LRRC4C: variants seen among roughly 807,000 people sequenced by gnomAD.
LRRC4C encodes the protein leucine-rich repeat-containing protein 4C.
LRRC4C carries 5 observed loss-of-function variants against 33.6 expected under a neutral mutation model. The observed-to-expected ratio is 0.15, with a 90% confidence interval of 0.08 to 0.31. The LOEUF (loss-of-function observed/expected upper bound fraction) is 0.31. LRRC4C is among the 10% of genes least tolerant of loss of function. LRRC4C has a pLI of 1.00. For synonymous variants in LRRC4C, 329 were observed against 302.0 expected (o/e 1.09, Z -0.93); for missense variants, 560 against 796.7 (o/e 0.70, Z 3.58).
At chr11:40,444,639 A>G (rs1025723755) in intron 3 of LRRC4C, among the ~76,000 whole-genome samples, 1 of 152,146 alleles carries the variant, frequency 6.6e-6, no homozygotes. Flanking sequence ...CTTTATTCTC[A>G]GTGATCAATA....
intron 3 of LRRC4C, among the ~76,000 whole-genome samples, chr11:40,595,352 C>T (rs1026828047): frequency 1.3e-5 from 2 of 151,934 alleles, no homozygotes; most frequent in Non-Finnish European, 2.9e-5. Flanking sequence ...CTGAACAGTT[C>T]AATAGAGATT....
chr11:40,417,629 A>C (rs898611759), intron 3 of LRRC4C, among the ~76,000 whole-genome samples: 2 of 151,986 alleles, frequency 1.3e-5, no homozygotes, highest in Non-Finnish European at 2.9e-5. Context: ...TGGGATTACA[A>C]GCATGAGCCA....
chr11:41,072,740 T>C (rs1938800676), intron 1 of LRRC4C, among the ~76,000 whole-genome samples: 1 of 152,174 alleles, frequency 6.6e-6, no homozygotes, highest in Admixed American at 6.5e-5. Context: ...AGACTGATTA[T>C]GCAATTCTTC....
At chr11:40,426,079 T>C (rs1282551063) in intron 3 of LRRC4C, among the ~76,000 whole-genome samples, 1 of 151,002 alleles carries the variant, frequency 6.6e-6, no homozygotes, top group Admixed American at 6.6e-5. Context: ...AGTGGCGCGA[T>C]CTTGGCTCAC....
At chr11:40,909,212 T>C (rs967686200) in intron 2 of LRRC4C, among the ~76,000 whole-genome samples, 6 of 152,092 alleles carry the variant, frequency 3.9e-5, no homozygotes, top group Non-Finnish European at 7.4e-5. Context: ...CTATTTATCA[T>C]CTCCTTTTAA....
chr11:40,190,773 G>C (rs1861773194), intron 5 of LRRC4C, among the ~76,000 whole-genome samples: 1 of 152,128 alleles, frequency 6.6e-6, no homozygotes, highest in African/African-American at 2.4e-5. Flanking sequence ...CATGTGTCTA[G>C]CCTGAGTCAG....
At chr11:41,068,434 C>T (rs1049423755) in intron 1 of LRRC4C, among the ~76,000 whole-genome samples, 4 of 151,836 alleles carry the variant, frequency 2.6e-5, no homozygotes, top group African/African-American at 7.3e-5. Flanking sequence ...TAAATGAATC[C>T]AGGAGCTGTT....
chr11:41,239,505 T>C (rs896551246), intron 1 of LRRC4C, among the ~76,000 whole-genome samples: 1 of 152,040 alleles, frequency 6.6e-6, no homozygotes, highest in Non-Finnish European at 1.5e-5. Context: ...ACTCAGGGCC[T>C]TTGAACTGGC....
intron 2 of LRRC4C, among the ~76,000 whole-genome samples, chr11:40,697,166 T>G (rs1945607315): frequency 6.6e-6 from 1 of 152,122 alleles, no homozygotes; most frequent in Admixed American, 6.5e-5. Context: ...CATATATACA[T>G]TTTTGTTCAT....
At chr11:40,754,449 G>T (rs752707931) in intron 2 of LRRC4C, among the ~76,000 whole-genome samples, 4 of 152,060 alleles carry the variant, frequency 2.6e-5, no homozygotes, top group Non-Finnish European at 5.9e-5. Flanking sequence ...AACTATTTAG[G>T]CCCCTAAGCT....
intron 3 of LRRC4C, among the ~76,000 whole-genome samples, chr11:40,326,548 A>G (rs568525162): frequency 7.7e-5 from 3 of 38,908 alleles, no homozygotes; most frequent in African/African-American, 1.4e-4. Context: ...ACTCCTTCTC[A>G]AAAGAAAAAA....
chr11:40,181,858 C>T (rs1040500323), intron 5 of LRRC4C, among the ~76,000 whole-genome samples: 7 of 152,166 alleles, frequency 4.6e-5, no homozygotes, highest in Non-Finnish European at 8.8e-5. Flanking sequence ...GCACAGCTTA[C>T]CCCGGGACTC....
At chr11:41,080,512 C>T (rs779854273) in intron 1 of LRRC4C, among the ~76,000 whole-genome samples, 4 of 151,794 alleles carry the variant, frequency 2.6e-5, no homozygotes, top group South Asian at 2.1e-4. Context: ...CCACTATGCC[C>T]GGCAAATTTT....
intron 2 of LRRC4C, among the ~76,000 whole-genome samples, chr11:40,661,188 C>A (rs1288488803): frequency 2.0e-5 from 3 of 151,738 alleles, no homozygotes; most frequent in African/African-American, 7.2e-5. Context: ...ATATTGATTG[C>A]AAAAAGGAGA....
intron 2 of LRRC4C, among the ~76,000 whole-genome samples, chr11:40,660,596 T>A (rs1943382286): frequency 6.6e-6 from 1 of 152,350 alleles, no homozygotes; most frequent in South Asian, 2.1e-4. Flanking sequence ...TTGCTGCTTC[T>A]GCTGAATATG....
chr11:40,779,187 C>G (rs796512151), intron 2 of LRRC4C, among the ~76,000 whole-genome samples: 1 of 151,178 alleles, frequency 6.6e-6, no homozygotes, highest in African/African-American at 2.4e-5. Context: ...AGCATGGAAG[C>G]AAGCAGTGAA....
At chr11:40,500,408 G>T (rs1432747925) in intron 3 of LRRC4C, among the ~76,000 whole-genome samples, 2 of 149,686 alleles carry the variant, frequency 1.3e-5, no homozygotes, top group Non-Finnish European at 3.0e-5. Context: ...TTAAATATAT[G>T]CATGTGTATT....
chr11:40,901,661 C>T (rs1298863538), intron 2 of LRRC4C, among the ~76,000 whole-genome samples: 2 of 151,798 alleles, frequency 1.3e-5, no homozygotes, highest in Non-Finnish European at 2.9e-5. Context: ...TGTCAGAATA[C>T]AGGGATAAAA....
Position 41,060,529 on chromosome 11 carries a change from C to G in LRRC4C, c.-495-126806G>C, listed in dbSNP as rs774092517. Among the ~76,000 whole-genome samples, 2 of 152,018 alleles carry G rather than the reference C, an allele frequency of 1.3e-5. 1 individual carries two copies. Among genetic ancestry groups the G allele is most frequent in the South Asian group, 4.2e-4 (2 of 4,812 alleles). On this transcript the variant is annotated intron_variant, in intron 1 of 6. Coordinates refer to ENST00000528697, the MANE Select transcript of LRRC4C (RefSeq NM_001258419.2). ...TCACATATGTCCTTTTCTAGGTGTA[C>G]GCATATGGAGAGAAAATTATCTGGT...
Sources: gnomAD v4.1 joint callset for allele counts (sites outside exome capture counted in the v4.1 genomes callset) on GRCh38, gnomAD v4.1.1 for gene constraint, MANE v1.5 for transcripts, NCBI Gene and HGNC (gene_info 2026-07-23, HGNC 2026-07-21) for gene names.